Variants in PRH1 observed in about 807,000 individuals in gnomAD.
PRH1 encodes the protein salivary acidic proline-rich phosphoprotein 1/2.
A neutral mutation model predicts 7.9 loss-of-function variants in PRH1; 7 were observed. The observed-to-expected ratio is 0.89, with a 90% confidence interval of 0.50 to 1.67. The LOEUF (loss-of-function observed/expected upper bound fraction) is 1.67, where lower values mean the gene tolerates loss of function less well. Among genes scored for constraint, PRH1 ranks in the 40% most tolerant of loss-of-function variants. The pLI, the probability that PRH1 is intolerant of heterozygous loss-of-function variation, is 0.00. For synonymous variants in PRH1, 45 were observed against 80.8 expected, an observed-to-expected ratio of 0.56 and a Z score of 2.38; for missense variants, 109 against 223.6, an observed-to-expected ratio of 0.49 and a Z score of 3.27.
chr12:11,003,775 T>A (rs888681395), intron 1 of PRH1, among the ~76,000 whole-genome samples: 44 of 152,186 alleles, frequency 2.9e-4, no homozygotes, highest in Non-Finnish European at 5.4e-4. Flanking sequence ...ATGTTTTTGA[T>A]GTTAATAATT....
rs745455553 is a variant in PRH1, at chr12:11,091,313, GTCT to G, written n.124-44128_124-44126del. On this transcript the variant is annotated intron_variant and non_coding_transcript_variant, in intron 1 of 4. Transcript: ENST00000541977. ...CCTCTCGTGAATCTATGGAGATGAA[GTCT>G]TCTCTCCTTTCACCCAGTACCTCAT... 1.1e-5 allele frequency: 14 copies of G among 1,219,106 alleles called. 3 individuals carry two copies. In the African/African-American group the frequency reaches 2.3e-4, roughly 20 times the overall value. 75.5% of individuals were successfully genotyped at this position (1,219,106 alleles called of 1,614,324 possible).
In PRH1 at chr12:11,022,596, G is replaced by A. The variant is rs562944066; in HGVS notation, c.-126+24424C>T. 8.5e-6 allele frequency: 13 copies of A among 1,533,842 alleles called. No individual in the cohort carries two copies. The South Asian group carries it at 1.2e-4, about 14-fold the overall frequency. ...TGTTTGAACAGATAAAAAAATGCAG[G>A]CTTAGTAACACTTGTTCTGAGTCCT... is the stretch of plus-strand genomic sequence containing the variant. On this transcript the variant is annotated intron_variant, in intron 1 of 3. Transcript: ENST00000539853.
chr12:11,164,855 T>G (rs1340266469), intron 1 of PRH1, among the ~76,000 whole-genome samples: 1 of 152,256 alleles, frequency 6.6e-6, no homozygotes, highest in East Asian at 1.9e-4. Context: ...TTATACAGAT[T>G]AACTACCACA....
chr12:10,908,213 T>C (rs1949834133), intron 2 of PRH1: 1 of 530,448 alleles, frequency 1.9e-6, no homozygotes, highest in African/African-American at 1.9e-5. Flanking sequence ...AAATACATAA[T>C]ATTCTTAGGT....
intron 2 of PRH1, among the ~76,000 whole-genome samples, chr12:10,922,985 C>T (rs1016694455): frequency 8.0e-5 from 12 of 149,750 alleles, no homozygotes; most frequent in East Asian, 3.9e-4. Context: ...CCCGCCACCG[C>T]GCCCGGCTAA....
chr12:10,902,307 C>T (rs952554213), intron 2 of PRH1, among the ~76,000 whole-genome samples: 8 of 151,096 alleles, frequency 5.3e-5, no homozygotes, highest in Non-Finnish European at 1.2e-4. Context: ...TGAACTAACC[C>T]AGAAAAAAAA....
At chr12:10,966,524 C>G (rs950364289) in intron 2 of PRH1, among the ~76,000 whole-genome samples, 7 of 152,280 alleles carry the variant, frequency 4.6e-5, no homozygotes, top group Admixed American at 4.6e-4. Flanking sequence ...TTGTCCTTGC[C>G]TGATCCAGCC....
intron 1 of PRH1, among the ~76,000 whole-genome samples, chr12:11,010,933 G>A (rs1218724656): frequency 6.6e-6 from 1 of 151,458 alleles, no homozygotes; most frequent in Non-Finnish European, 1.5e-5. Context: ...TTATGAGCAG[G>A]TGTAATTATA....
At chr12:10,998,241 C>T (rs1940401128) in intron 1 of PRH1, among the ~76,000 whole-genome samples, 1 of 152,010 alleles carries the variant, frequency 6.6e-6, no homozygotes. Flanking sequence ...CAATTTTTTC[C>T]TTGTTTCACC....
intron 1 of PRH1, among the ~76,000 whole-genome samples, chr12:11,032,002 A>G (rs1942246115): frequency 6.6e-6 from 1 of 152,220 alleles, no homozygotes; most frequent in Non-Finnish European, 1.5e-5. Flanking sequence ...TAACCATGGC[A>G]TGTTAACTGA....
chr12:10,957,580 A>G (rs1347312672), intron 2 of PRH1, among the ~76,000 whole-genome samples: 1 of 152,214 alleles, frequency 6.6e-6, no homozygotes, highest in Non-Finnish European at 1.5e-5. Flanking sequence ...ACCTCATTAA[A>G]CTGAAGAGCT....
At chr12:11,157,815 TG>T (rs1234651723) in intron 1 of PRH1, among the ~76,000 whole-genome samples, 1 of 152,216 alleles carries the variant, frequency 6.6e-6, no homozygotes, top group African/African-American at 2.4e-5. Flanking sequence ...TATATGATGA[TG>T]ATAGTGGTGG....
chr12:10,991,683 C>CA (rs35543791), intron 1 of PRH1, among the ~76,000 whole-genome samples: 46,286 of 151,858 alleles, frequency 0.3, 8,918 homozygotes, highest in East Asian at 0.74. Context: ...ATGAGATCAC[C>CA]AAAAAAACCA....
At chr12:10,896,730 C>T (rs1194836028) in intron 2 of PRH1, 5 of 149,746 alleles carry the variant, frequency 3.3e-5, no homozygotes, top group African/African-American at 1.2e-4. Context: ...CTACTGCACT[C>T]CAGCCTGGGT....
chr12:10,998,976 G>C (rs1940442855), intron 1 of PRH1, among the ~76,000 whole-genome samples: 2 of 152,078 alleles, frequency 1.3e-5, no homozygotes, highest in South Asian at 4.1e-4. Flanking sequence ...GAATAAGAAT[G>C]AGTAACTCAT....
At chr12:11,151,822 A>G (rs1947097235) in intron 1 of PRH1, among the ~76,000 whole-genome samples, 1 of 151,996 alleles carries the variant, frequency 6.6e-6, no homozygotes, top group South Asian at 2.1e-4. Flanking sequence ...GTTCACAACT[A>G]TTTTATAAAC....
At chr12:11,128,157 T>C (rs1210467588) in intron 1 of PRH1, among the ~76,000 whole-genome samples, 4 of 149,548 alleles carry the variant, frequency 2.7e-5, no homozygotes, top group African/African-American at 7.3e-5. Flanking sequence ...AACAATTGTA[T>C]AACTATTCCT....
intron 1 of PRH1, among the ~76,000 whole-genome samples, chr12:11,038,912 T>C (rs1314212318): frequency 2.0e-5 from 3 of 152,240 alleles, no homozygotes; most frequent in African/African-American, 7.2e-5. Context: ...CCAAAATAAG[T>C]AATGTCAATT....
intron 1 of PRH1, among the ~76,000 whole-genome samples, chr12:11,040,366 C>T (rs922473883): frequency 6.6e-6 from 1 of 152,218 alleles, no homozygotes; most frequent in Non-Finnish European, 1.5e-5. Flanking sequence ...TATAACTACT[C>T]TGTGCCTCAG....
Sources: gnomAD v4.1 joint callset for allele counts (sites outside exome capture counted in the v4.1 genomes callset) on GRCh38, gnomAD v4.1.1 for gene constraint, MANE v1.5 for transcripts, NCBI Gene and HGNC (gene_info 2026-07-23, HGNC 2026-07-21) for gene names.